KLF12: variants seen among roughly 807,000 people sequenced by gnomAD.
KLF12 encodes KLF transcription factor 12.
Under a neutral mutation model 37.8 loss-of-function variants are expected in KLF12, and 9 were observed. The ratio of observed to expected loss-of-function variants is 0.24; its 90% confidence interval spans 0.14 to 0.42. The LOEUF (loss-of-function observed/expected upper bound fraction) is 0.42, where lower values mean the gene tolerates loss of function less well. Among genes scored for constraint, KLF12 ranks in the 10% least tolerant of loss-of-function variants. The pLI, the probability that KLF12 is intolerant of heterozygous loss-of-function variation, is 1.00. For missense variants in KLF12, 411 were observed against 516.0 expected (o/e 0.80, Z 1.97); for synonymous variants, 208 against 202.1 (o/e 1.03, Z -0.25).
At chr13:73,774,525 G>T (rs953785160) in intron 5 of KLF12, among the ~76,000 whole-genome samples, 51 of 152,140 alleles carry the variant, frequency 3.4e-4, no homozygotes, top group African/African-American at 1.2e-3. Context: ...TGGACACAGT[G>T]GGAAAACTGG....
At chr13:73,828,272 T>C (rs541020374) in intron 4 of KLF12, among the ~76,000 whole-genome samples, 1 of 152,338 alleles carries the variant, frequency 6.6e-6, no homozygotes, top group Non-Finnish European at 1.5e-5. Context: ...TTCACTGTAC[T>C]ATATCTAGAT....
At chr13:73,871,035 C>T (rs1438714924) in intron 3 of KLF12, among the ~76,000 whole-genome samples, 1 of 152,230 alleles carries the variant, frequency 6.6e-6, no homozygotes, top group Non-Finnish European at 1.5e-5. Flanking sequence ...CCACTGCTTT[C>T]TAATCATCTC....
At chr13:74,037,982 G>A (rs1029370964) in intron 1 of KLF12, among the ~76,000 whole-genome samples, 1 of 152,150 alleles carries the variant, frequency 6.6e-6, no homozygotes, top group Non-Finnish European at 1.5e-5. Context: ...TGTGGGCATG[G>A]AACCCCACAT....
At chr13:74,127,221 A>G (rs1877990717) in intron 1 of KLF12, among the ~76,000 whole-genome samples, 1 of 152,238 alleles carries the variant, frequency 6.6e-6, no homozygotes, top group African/African-American at 2.4e-5. Flanking sequence ...ATATTTATAA[A>G]TGCAGCATGG....
chr13:73,870,970 T>C (rs1039380495), intron 3 of KLF12, among the ~76,000 whole-genome samples: 8 of 151,896 alleles, frequency 5.3e-5, no homozygotes, highest in African/African-American at 1.7e-4. Flanking sequence ...ATGCAACATA[T>C]AAATAAGTAC....
At chr13:73,776,111 T>C (rs80248023) in intron 5 of KLF12, among the ~76,000 whole-genome samples, 5,772 of 152,248 alleles carry the variant, frequency 0.038, 341 homozygotes, top group African/African-American at 0.13. Context: ...TAAATGTGAC[T>C]ATTATTATTA....
intron 1 of KLF12, among the ~76,000 whole-genome samples, chr13:74,014,531 T>C (rs919698135): frequency 3.3e-5 from 5 of 152,214 alleles, no homozygotes; most frequent in Admixed American, 6.5e-5. Flanking sequence ...CAGGGGACTA[T>C]TGATATAGGA....
At chr13:74,287,001 CCT>C in the KLF12 span, among the ~76,000 whole-genome samples, 1 of 152,098 alleles carries the variant, frequency 6.6e-6, no homozygotes, top group African/African-American at 2.4e-5. Flanking sequence ...TCACATATAG[CCT>C]CTCAAAAATA....
chr13:73,712,105 G>A (rs1349603712), intron 7 of KLF12, among the ~76,000 whole-genome samples: 2 of 152,150 alleles, frequency 1.3e-5, no homozygotes, highest in African/African-American at 4.8e-5. Flanking sequence ...TTGGGAGGCT[G>A]AGGTGGGCAG....
At chr13:73,860,878 T>C (rs546214656) in intron 3 of KLF12, among the ~76,000 whole-genome samples, 4 of 152,348 alleles carry the variant, frequency 2.6e-5, no homozygotes, top group Admixed American at 6.5e-5. Context: ...TGATATTTAA[T>C]TCCTCCCACT....
chr13:74,016,901 A>C (rs1892700682), intron 1 of KLF12, among the ~76,000 whole-genome samples: 1 of 152,214 alleles, frequency 6.6e-6, no homozygotes, highest in Non-Finnish European at 1.5e-5. Flanking sequence ...AAAATGGATG[A>C]ATAAATCTGT....
At chr13:74,212,645 T>C in the KLF12 span, among the ~76,000 whole-genome samples, 2 of 152,112 alleles carry the variant, frequency 1.3e-5, no homozygotes, top group Non-Finnish European at 2.9e-5. Flanking sequence ...TTGACTATCT[T>C]GATGAGTGTA....
chr13:73,863,448 A>G (rs981905933), intron 3 of KLF12, among the ~76,000 whole-genome samples: 2 of 152,122 alleles, frequency 1.3e-5, no homozygotes, highest in African/African-American at 2.4e-5. Flanking sequence ...CAGTGCTAAT[A>G]TTAGCACTCC....
chr13:73,715,675 C>G (rs1447512881), intron 6 of KLF12, 150 bp from the exon 7 acceptor site: 22 of 735,278 alleles, frequency 3.0e-5, no homozygotes, highest in Non-Finnish European at 4.5e-5. Context: ...TTGGGCAGAT[C>G]TCACTTTTCG....
At chr13:74,126,805 A>G (rs1877967291) in intron 1 of KLF12, among the ~76,000 whole-genome samples, 1 of 152,250 alleles carries the variant, frequency 6.6e-6, no homozygotes. Flanking sequence ...ATGGCATTTC[A>G]GAGGTGACAC....
intron 3 of KLF12, among the ~76,000 whole-genome samples, chr13:73,900,133 AC>A (rs1431826224): frequency 7.2e-5 from 11 of 152,338 alleles, no homozygotes; most frequent in Admixed American, 2.6e-4. Flanking sequence ...AAATCACTTC[AC>A]GTTTATATTA....
At chr13:74,276,483 A>T in the KLF12 span, among the ~76,000 whole-genome samples, 1 of 152,306 alleles carries the variant, frequency 6.6e-6, no homozygotes, top group East Asian at 1.9e-4. Context: ...ATACTATACC[A>T]TCTTCCAGTA....
chr13:74,201,841 A>T, the KLF12 span, among the ~76,000 whole-genome samples: 1 of 152,116 alleles, frequency 6.6e-6, no homozygotes, highest in East Asian at 1.9e-4. Flanking sequence ...CAGCAGTGGG[A>T]ACTATTAGTT....
chr13:73,847,914 GCATTAT>G (rs1885112701), intron 3 of KLF12, among the ~76,000 whole-genome samples: 1 of 152,016 alleles, frequency 6.6e-6, no homozygotes, highest in Non-Finnish European at 1.5e-5. Flanking sequence ...TTCAATTTCA[GCATTAT>G]CATTTTATTT....
Sources: gnomAD v4.1 joint callset for allele counts (sites outside exome capture counted in the v4.1 genomes callset) on GRCh38, gnomAD v4.1.1 for gene constraint, MANE v1.5 for transcripts, NCBI Gene and HGNC (gene_info 2026-07-23, HGNC 2026-07-21) for gene names.